Variants in TEX9 observed in about 807,000 individuals in gnomAD.
TEX9 encodes the protein testis expressed 9.
A neutral mutation model predicts 59.6 loss-of-function variants in TEX9; 74 were observed. The ratio of observed to expected loss-of-function variants is 1.24; its 90% CI spans 1.03 to 1.51. TEX9 has a LOEUF of 1.51. TEX9 is among the 40% of genes most tolerant of loss of function. The probability of loss-of-function intolerance (pLI) is 0.00; values close to 1 mark genes in which losing one functional copy is unlikely to be tolerated. For synonymous variants in TEX9, 186 were observed against 152.2 expected, an observed-to-expected ratio of 1.22 and a Z score of -1.64; for missense variants, 522 against 447.8, an observed-to-expected ratio of 1.17 and a Z score of -1.49.
chr15:56,336,598 C>T (rs2046262061), intron 1 of TEX9, among the ~76,000 whole-genome samples: 1 of 152,132 alleles, frequency 6.6e-6, no homozygotes, highest in African/African-American at 2.4e-5. Context: ...TTTGTTATAA[C>T]AGCCTGAGAT....
intron 10 of TEX9, among the ~76,000 whole-genome samples, chr15:56,426,894 C>T (rs939435203): frequency 1.1e-4 from 17 of 151,890 alleles, no homozygotes; most frequent in Middle Eastern, 3.4e-3. Flanking sequence ...CTTGGTCTCC[C>T]GCTTGTCATG....
chr15:56,426,511 A>C lies in TEX9; in HGVS notation c.964-1094A>C, dbSNP rs1430893390. ...TTTTAATGGGGAAGCAAAGGCCTGGAGCTTCCTAATCCACCATTTTGCTGA... is the reference window on the plus strand; with the variant it reads ...TTTTAATGGGGAAGCAAAGGCCTGGCGCTTCCTAATCCACCATTTTGCTGA... On this transcript the variant is annotated intron_variant, in intron 10 of 12. Transcript: ENST00000352903. 2.1e-5 allele frequency among the ~76,000 whole-genome samples: 3 copies of C among 143,818 alleles called. No homozygotes were observed. The Admixed American group carries it at 2.1e-4, about 10-fold the overall frequency. The allele number at this position is 143,818 out of a possible 152,430, so 94.4% of individuals were successfully genotyped here. A position where few individuals can be genotyped will look rare whatever the true frequency, so the allele number is the denominator to read the frequency against.
chr15:56,347,784 A>G lies in TEX9; in HGVS notation c.-106-25657A>G, dbSNP rs548446297. 5.9e-5 allele frequency among the ~76,000 whole-genome samples: 9 copies of G among 152,222 alleles called. No individual in the cohort carries two copies. In the East Asian group the frequency reaches 1.5e-3, roughly 26 times the overall value. ...AAACTGGACTTTATTAAAATTAAAA[A>G]CATTTGATCCATGAAAGAATATGTT... is the stretch of plus-strand genomic sequence containing the variant. On this transcript the variant is annotated intron_variant, in intron 1 of 5. Transcript: ENST00000560827.
intron 1 of TEX9, among the ~76,000 whole-genome samples, chr15:56,293,195 G>T (rs1436600552): frequency 1.3e-5 from 2 of 151,822 alleles, no homozygotes; most frequent in East Asian, 3.9e-4. Flanking sequence ...AAATGAGCAG[G>T]GCATAATGGC....
At chr15:56,415,637 T>C (rs1432035126) in intron 10 of TEX9, among the ~76,000 whole-genome samples, 1 of 151,896 alleles carries the variant, frequency 6.6e-6, no homozygotes, top group Non-Finnish European at 1.5e-5. Context: ...CTGTTTTGGT[T>C]ATTGTAGACT....
intron 8 of TEX9, 26 bp downstream of exon 8, chr15:56,394,273 G>C (rs534573646): frequency 1.3e-6 from 2 of 1,533,524 alleles, no homozygotes; most frequent in Admixed American, 4.0e-5. Flanking sequence ...CTCTTAAAAG[G>C]CTCTAATATT....
At chr15:56,248,784 A>C (rs1260469331) in intron 1 of TEX9, 1 of 152,202 alleles carries the variant, frequency 6.6e-6, no homozygotes, top group Non-Finnish European at 1.5e-5. Context: ...ATAAAGAAAA[A>C]CACTAAATTG....
chr15:56,296,894 G>A (rs529201840), intron 1 of TEX9, among the ~76,000 whole-genome samples: 25 of 152,020 alleles, frequency 1.6e-4, no homozygotes, highest in African/African-American at 4.8e-4. Context: ...GCTCAGTGTC[G>A]TTCCTCTTTG....
At chr15:56,402,339 T>G (rs2048838162) in intron 9 of TEX9, among the ~76,000 whole-genome samples, 1 of 152,154 alleles carries the variant, frequency 6.6e-6, no homozygotes, top group African/African-American at 2.4e-5. Context: ...CAGACTATCA[T>G]CAGAGAATAC....
In TEX9 at chr15:56,428,347, A is replaced by ATTGAT. The variant is rs1567143111; in HGVS notation, c.1099-17_1099-13dup. On this transcript the variant is annotated intron_variant, in intron 11 of 12. Coordinates refer to ENST00000352903, the Ensembl canonical transcript of TEX9. ...TACTCTTAATACTAAATCAGACAAT[A>ATTGAT]TTGATTTTTTTTTTAACAGATGCAT... 1.9e-6 allele frequency: 3 copies of ATTGAT among 1,585,928 alleles called. No individual in the cohort carries two copies. In the African/African-American group the frequency reaches 4.0e-5, roughly 21 times the overall value.
chr15:56,385,923 C>T (rs560243580), intron 4 of TEX9, among the ~76,000 whole-genome samples: 14 of 151,966 alleles, frequency 9.2e-5, no homozygotes, highest in South Asian at 2.1e-4. Context: ...TTATTGCATG[C>T]GATCCAGTAT....
At chr15:56,322,627 C>G (rs150557221) in intron 1 of TEX9, among the ~76,000 whole-genome samples, 1 of 152,148 alleles carries the variant, frequency 6.6e-6, no homozygotes, top group East Asian at 1.9e-4. Flanking sequence ...AAGTTGGTGA[C>G]TAAATTTTTA....
At chr15:56,256,319 A>G (rs2044143972) in intron 1 of TEX9, among the ~76,000 whole-genome samples, 1 of 152,114 alleles carries the variant, frequency 6.6e-6, no homozygotes, top group Non-Finnish European at 1.5e-5. Flanking sequence ...TTGGGATATG[A>G]ACCTAGATAG....
chr15:56,418,555 G>A (rs1397602107), intron 10 of TEX9, among the ~76,000 whole-genome samples: 1 of 151,432 alleles, frequency 6.6e-6, no homozygotes, highest in Non-Finnish European at 1.5e-5. Context: ...GGAGGCTGAG[G>A]CAGGAGAATG....
At chr15:56,377,562 C>G (rs2047517621) in intron 3 of TEX9, among the ~76,000 whole-genome samples, 2 of 151,932 alleles carry the variant, frequency 1.3e-5, no homozygotes, top group African/African-American at 4.8e-5. Context: ...GACATACAGA[C>G]ACACTACTGA....
chr15:56,387,491 CTAAGTA>C (rs1327181937), intron 4 of TEX9, among the ~76,000 whole-genome samples: 2 of 151,674 alleles, frequency 1.3e-5, no homozygotes, highest in South Asian at 2.1e-4. Flanking sequence ...GTTTATTTAT[CTAAGTA>C]TATCTTTGTA....
Position 56,429,066 on chromosome 15 carries a change from G to C in TEX9, c.*29+593G>C, listed in dbSNP as rs795787. 4 of 1,388,564 alleles carry C rather than the reference G, an allele frequency of 2.9e-6. No individual in the cohort carries two copies. In the South Asian group the frequency reaches 5.1e-5, roughly 18 times the overall value. 86.0% of individuals were successfully genotyped at this position (1,388,564 alleles called of 1,614,324 possible). A position where few individuals can be genotyped will look rare whatever the true frequency, so the allele number is the denominator to read the frequency against. ...TTATGCTGACATCTAGTGGTAACATGCAAAAAATCTATGCTTTACCCAATT... is the reference window on the plus strand; with the variant it reads ...TTATGCTGACATCTAGTGGTAACATCCAAAAAATCTATGCTTTACCCAATT... On this transcript the variant is annotated intron_variant, in intron 12 of 12. Transcript: ENST00000352903.
chr15:56,398,518 T>C (rs1440705230), intron 9 of TEX9, among the ~76,000 whole-genome samples: 2 of 152,220 alleles, frequency 1.3e-5, no homozygotes, highest in Non-Finnish European at 2.9e-5. Flanking sequence ...GCACCCAAGC[T>C]CTGTCACATC....
chr15:56,426,635 AC>A (rs1481152403), intron 10 of TEX9, among the ~76,000 whole-genome samples: 13 of 100,970 alleles, frequency 1.3e-4, no homozygotes, highest in Admixed American at 9.8e-4. Flanking sequence ...ATACACACAC[AC>A]AAACACACAC....
Sources: gnomAD v4.1 joint callset for allele counts (sites outside exome capture counted in the v4.1 genomes callset) on GRCh38, gnomAD v4.1.1 for gene constraint, MANE v1.5 for transcripts, NCBI Gene and HGNC (gene_info 2026-07-23, HGNC 2026-07-21) for gene names.